Variants in HOOK3 observed in about 807,000 individuals in gnomAD.
The protein encoded by HOOK3 is protein Hook homolog 3.
Under a neutral mutation model 116.3 loss-of-function variants are expected in HOOK3, and 24 were observed. That is an observed-to-expected ratio of 0.21 (90% CI 0.15 to 0.29). HOOK3 has a LOEUF of 0.29. Among genes scored for constraint, HOOK3 ranks in the 10% least tolerant of loss-of-function variants. HOOK3 has a pLI of 1.00. For missense variants in HOOK3, 632 were observed against 830.2 expected (o/e 0.76, Z 2.93); for synonymous variants, 275 against 283.0 (o/e 0.97, Z 0.28).
intron 2 of HOOK3, among the ~76,000 whole-genome samples, chr8:42,920,718 A>G (rs1444402688): frequency 6.6e-6 from 1 of 152,202 alleles, no homozygotes; most frequent in Non-Finnish European, 1.5e-5. Context: ...TTTTAACAAA[A>G]ATGATTGTAC....
chr8:42,932,432 G>T (rs1056805937), intron 4 of HOOK3, among the ~76,000 whole-genome samples: 4 of 152,254 alleles, frequency 2.6e-5, no homozygotes, highest in Non-Finnish European at 5.9e-5. Flanking sequence ...TGTTTCAGGA[G>T]TGTCATCCTG....
intron 3 of HOOK3, among the ~76,000 whole-genome samples, chr8:42,928,257 G>A (rs934749736): frequency 4.3e-4 from 65 of 150,864 alleles, no homozygotes; most frequent in African/African-American, 1.4e-3. Context: ...CCAGCCTGGC[G>A]ACAGAGCAAA....
chr8:42,925,590 C>G lies in HOOK3; in HGVS notation c.177C>G (p.Asn59Lys), dbSNP rs779561470. The G allele has an allele frequency of 2.5e-6, 4 of 1,605,970 alleles. No individual in the cohort carries two copies. The South Asian group carries it at 4.5e-5, about 18-fold the overall frequency. ...CATATTTTGATGAAAATTGGCTAAA[C>G]AGAATCAAAACTGAAGTAGGAGATA... ...DPAYFDENWLNRIKTEVGDNW... is the reference protein window; with the variant it reads ...DPAYFDENWLKRIKTEVGDNW... The change falls in exon 3 of 22, where the codon AAC becomes AAG. Residue 59 changes from asparagine to lysine, a missense_variant. Asn to Lys is a moderately conservative substitution (Grantham distance 94). Coordinates refer to ENST00000307602, the MANE Select transcript of HOOK3 (RefSeq NM_032410.4).
In HOOK3 at chr8:42,982,209, C is replaced by T. The variant is rs577494573; in HGVS notation, c.1322-418C>T. 8.4e-5 allele frequency among the ~76,000 whole-genome samples: 12 copies of T among 142,190 alleles called. No individual in the cohort carries two copies. In the East Asian group the frequency reaches 1.4e-3, roughly 17 times the overall value. The allele number at this position is 142,190 out of a possible 152,430, so 93.3% of individuals were successfully genotyped here. A position where few individuals can be genotyped will look rare whatever the true frequency, so the allele number is the denominator to read the frequency against. The stretch of plus-strand genomic sequence containing the variant: ...GGCAGAGGTTGCAGTGAGCCAAGAT[C>T]GTGCCATTGCATTCCAGCCTGGGCA... On this transcript the variant is annotated intron_variant, in intron 13 of 21. Coordinates refer to ENST00000307602, the MANE Select transcript of HOOK3 (RefSeq NM_032410.4).
At chr8:42,900,051 A>C (rs1466472515) in intron 1 of HOOK3, among the ~76,000 whole-genome samples, 3 of 152,214 alleles carry the variant, frequency 2.0e-5, no homozygotes, top group Admixed American at 2.0e-4. Flanking sequence ...GGAACGTCTC[A>C]TTGCCTCATA....
rs1179411054 is a variant in HOOK3, at chr8:43,022,842, G to T, written c.*4344G>T. The T allele has an allele frequency of 1.2e-5, 2 of 173,744 alleles. No homozygotes were observed. The highest frequency in any genetic ancestry group is 2.5e-5 in the Non-Finnish European group (2 of 80,352). The allele number at this position is 173,744 out of a possible 1,614,324, so 10.8% of individuals were successfully genotyped here. ...GGATGAAATTGCTGTCTGTAATTTT[G>T]TTGAGGTTTTATTGTTAATATAATA... On this transcript the variant is annotated 3_prime_UTR_variant, in exon 22 of 22. Coordinates refer to ENST00000307602, the MANE Select transcript of HOOK3 (RefSeq NM_032410.4).
chr8:42,950,923 G>C (rs914299534), intron 6 of HOOK3, among the ~76,000 whole-genome samples: 6 of 152,184 alleles, frequency 3.9e-5, no homozygotes, highest in Admixed American at 2.0e-4. Flanking sequence ...CTGACCTCAT[G>C]ATCTGCCCGC....
chr8:43,008,670 T>A lies in HOOK3; in HGVS notation c.1738+741T>A, dbSNP rs558805957. On this transcript the variant is annotated intron_variant, in intron 18 of 21. Coordinates refer to ENST00000307602, the MANE Select transcript of HOOK3 (RefSeq NM_032410.4). ...ATTTTTATTTTTATTTTTATTTTTT[T>A]TTTTTTTGAGACGGAGTCTCGCTCT... is the stretch of plus-strand genomic sequence containing the variant. 9.2e-4 allele frequency among the ~76,000 whole-genome samples: 136 copies of A among 147,920 alleles called. 2 individuals are homozygous for A. The highest frequency in any genetic ancestry group is 5.1e-3 in the South Asian group (24 of 4,728).
intron 10 of HOOK3, 93 bp downstream of exon 10, chr8:42,966,706 T>C: frequency 1.4e-6 from 2 of 1,408,082 alleles, no homozygotes; most frequent in East Asian, 2.3e-5. Flanking sequence ...AGAGCCAGGC[T>C]ACCTGGGCTG....
chr8:43,009,773 G>A (rs1620525), intron 18 of HOOK3, among the ~76,000 whole-genome samples: 18,836 of 152,066 alleles, frequency 0.12, 1,977 homozygotes, highest in African/African-American at 0.26. Context: ...CTACAAAACT[G>A]TATCATCTCA....
chr8:42,930,708 C>G (rs1807856045), intron 4 of HOOK3, among the ~76,000 whole-genome samples: 1 of 152,152 alleles, frequency 6.6e-6, no homozygotes. Context: ...GCATTTAGTA[C>G]CCATGTTTAT....
chr8:42,969,969 A>T (rs1405162579), intron 11 of HOOK3, among the ~76,000 whole-genome samples: 2 of 152,256 alleles, frequency 1.3e-5, no homozygotes, highest in Admixed American at 6.5e-5. Context: ...AAGTACTTTT[A>T]TGATTTGTAC....
intron 7 of HOOK3, among the ~76,000 whole-genome samples, chr8:42,958,506 T>G (rs1298236216): frequency 6.6e-6 from 1 of 152,120 alleles, no homozygotes; most frequent in East Asian, 1.9e-4. Context: ...AACATAAGGT[T>G]TTTTGCTTCA....
chr8:42,925,297 C>T (rs1807742840), intron 2 of HOOK3, among the ~76,000 whole-genome samples: 1 of 151,952 alleles, frequency 6.6e-6, no homozygotes, highest in African/African-American at 2.4e-5. Context: ...AAGGTTTCAC[C>T]ATGTTGGCCA....
chr8:43,017,513 A>C (rs1178484036), intron 21 of HOOK3, among the ~76,000 whole-genome samples: 1 of 151,844 alleles, frequency 6.6e-6, no homozygotes, highest in Non-Finnish European at 1.5e-5. Context: ...TGATCTTCCC[A>C]CCTTAGCCTC....
intron 17 of HOOK3, among the ~76,000 whole-genome samples, chr8:43,006,855 C>G (rs115864564): frequency 1.7e-3 from 255 of 151,726 alleles, no homozygotes; most frequent in African/African-American, 6.0e-3. Flanking sequence ...ATTTTTGCAG[C>G]CTTTTTTCCT....
Position 42,946,844 on chromosome 8 carries a change from T to C in HOOK3, c.400+3399T>C, listed in dbSNP as rs1235596765. On this transcript the variant is annotated intron_variant, in intron 5 of 21. Transcript: ENST00000307602. Reference sequence around the variant, plus strand: ...AGTCCAGTGGTGTGATCTCGGCTCATTGCAACCTCTGCCTCCCAGGTTCAA... The same window carrying C: ...AGTCCAGTGGTGTGATCTCGGCTCACTGCAACCTCTGCCTCCCAGGTTCAA... 4.0e-5 allele frequency among the ~76,000 whole-genome samples: 6 copies of C among 150,352 alleles called. No homozygotes were observed. In the South Asian group the frequency reaches 1.1e-3, roughly 27 times the overall value.
At chr8:43,008,725 T>C (rs556203037) in intron 18 of HOOK3, among the ~76,000 whole-genome samples, 1 of 147,318 alleles carries the variant, frequency 6.8e-6, no homozygotes, top group Admixed American at 6.7e-5. Flanking sequence ...AGTGGCGGGA[T>C]CTCGGCTCAC....
chr8:42,957,565 G>A (rs1204458029), intron 7 of HOOK3, among the ~76,000 whole-genome samples: 2 of 151,974 alleles, frequency 1.3e-5, no homozygotes, highest in Non-Finnish European at 2.9e-5. Context: ...GAAATATACA[G>A]TTGTCATTTT....
Sources: gnomAD v4.1 joint callset for allele counts (sites outside exome capture counted in the v4.1 genomes callset) on GRCh38, gnomAD v4.1.1 for gene constraint, MANE v1.5 for transcripts, NCBI Gene and HGNC (gene_info 2026-07-23, HGNC 2026-07-21) for gene names.